Variants in ZNF143 observed in about 807,000 individuals in gnomAD.
ZNF143 encodes the protein zinc finger protein 143.
In ZNF143, 49 loss-of-function variants were observed where a neutral mutation model predicts 74.1. The observed-to-expected ratio is 0.66, with a 90% CI of 0.53 to 0.84. ZNF143 has a LOEUF of 0.84. Among genes scored for constraint, ZNF143 ranks in the 40% least tolerant of loss-of-function variants. ZNF143 has a pLI of 0.00. For missense variants in ZNF143, 637 were observed against 793.4 expected, an observed-to-expected ratio of 0.80 and a Z score of 2.37; for synonymous variants, 304 against 282.8, an observed-to-expected ratio of 1.07 and a Z score of -0.75.
At chr11:9,525,484 A>G in intron 15 of ZNF143, 98 bp downstream of exon 15, 4 of 1,494,232 alleles carry the variant, frequency 2.7e-6, no homozygotes, top group Non-Finnish European at 3.7e-6. Context: ...ACAGGAGGCA[A>G]GGTGTAGAAT....
intron 14 of ZNF143, 66 bp from the exon 15 acceptor site, chr11:9,525,174 G>A (rs1343342380): frequency 1.3e-5 from 21 of 1,576,740 alleles, no homozygotes. Context: ...GTATTAAGTG[G>A]ACTTTAACCT....
intron 14 of ZNF143, among the ~76,000 whole-genome samples, chr11:9,523,606 C>A (rs1329067610): frequency 6.6e-6 from 1 of 151,796 alleles, no homozygotes. Context: ...TGATGGCGGG[C>A]GCCTGTAGTC....
chr11:9,482,062 C>T (rs1847262505), intron 7 of ZNF143, among the ~76,000 whole-genome samples: 1 of 146,812 alleles, frequency 6.8e-6, no homozygotes, highest in South Asian at 2.2e-4. Context: ...GCTCTGCCTC[C>T]CGGGTTCACG....
chr11:9,494,762 C>G lies in ZNF143; in HGVS notation c.762C>G (p.Leu254=). Residue 254 remains leucine (L), a synonymous_variant, in exon 8 of 16, where the codon CTC becomes CTG. Transcript: ENST00000396602. ...CGKLYTTAHH[L]KVHERSHTGD... is the part of the protein sequence containing the mutation. Reference sequence around the variant, plus strand: ...AATTATATACAACAGCTCATCATCTCAAGGTATATATAAAAGAAATGTTCT... The same window carrying G: ...AATTATATACAACAGCTCATCATCTGAAGGTATATATAAAAGAAATGTTCT... The G allele has an allele frequency of 1.9e-6, 3 of 1,606,872 alleles. No individual in the cohort carries two copies. Among genetic ancestry groups the G allele is most frequent in the Non-Finnish European group, 2.6e-6 (3 of 1,173,684 alleles).
At chr11:9,485,519 TG>T (rs1002769679) in intron 7 of ZNF143, among the ~76,000 whole-genome samples, 2 of 151,422 alleles carry the variant, frequency 1.3e-5, no homozygotes, top group Non-Finnish European at 2.9e-5. Flanking sequence ...AGCTAGTTTT[TG>T]TATTTTTAGT....
At chr11:9,479,389 G>T in intron 6 of ZNF143, 83 bp from the exon 7 acceptor site, 1 of 1,019,808 alleles carries the variant, frequency 9.8e-7, no homozygotes, top group Non-Finnish European at 1.4e-6. Flanking sequence ...TTTTTTGCAA[G>T]CTTCTCCCTG....
chr11:9,486,558 C>G (rs1239196697), intron 7 of ZNF143, among the ~76,000 whole-genome samples: 1 of 135,640 alleles, frequency 7.4e-6, no homozygotes, highest in Non-Finnish European at 1.5e-5. Flanking sequence ...GCTCCAGTTC[C>G]TTTTTCTGTG....
intron 10 of ZNF143, among the ~76,000 whole-genome samples, chr11:9,498,436 C>T (rs552209116): frequency 2.6e-5 from 4 of 152,200 alleles, no homozygotes; most frequent in Non-Finnish European, 5.9e-5. Context: ...GAACCTAAGG[C>T]ACCCAGTTGT....
chr11:9,516,559 G>C (rs910775840), intron 14 of ZNF143, among the ~76,000 whole-genome samples, 197 bp downstream of exon 14: 2 of 152,076 alleles, frequency 1.3e-5, no homozygotes, highest in African/African-American at 4.8e-5. Context: ...TACCCCATAA[G>C]GTTGATATAA....
intron 14 of ZNF143, 117 bp from the exon 15 acceptor site, chr11:9,525,123 G>A: frequency 8.5e-7 from 1 of 1,180,880 alleles, no homozygotes; most frequent in African/African-American, 1.5e-5. Flanking sequence ...ACAAGTCTAT[G>A]GTCAGAGGAG....
At position 9,520,926 on chromosome 11, in the gene ZNF143, A is replaced by G. The variant is rs140562339; in HGVS notation, c.1687-4314A>G. On this transcript the variant is annotated intron_variant, in intron 14 of 15. Coordinates refer to ENST00000396602, the MANE Select transcript of ZNF143 (RefSeq NM_003442.6). ...TTAATTTACATATAAAAAAGCTAAT[A>G]TATCACTTGGTTATGATGTATTTTT... Among the ~76,000 whole-genome samples the G allele has an allele frequency of 1.8e-3, 278 of 152,368 alleles. 3 individuals carry two copies. The highest frequency in any genetic ancestry group is 6.3e-3 in the African/African-American group (263 of 41,588).
chr11:9,473,853 T>C, intron 3 of ZNF143, 88 bp from the exon 4 acceptor site: 1 of 1,610,820 alleles, frequency 6.2e-7, no homozygotes, highest in African/African-American at 1.3e-5. Flanking sequence ...AAGTTGTGTA[T>C]GTTTTTATAG....
At chr11:9,494,826 AT>A in intron 8 of ZNF143, 61 bp downstream of exon 8, 1 of 1,514,766 alleles carries the variant, frequency 6.6e-7, no homozygotes, top group Non-Finnish European at 9.0e-7. Flanking sequence ...AAATACTAAG[AT>A]CATATTTTTG....
At chr11:9,514,340 T>C (rs1277119097) in intron 13 of ZNF143, among the ~76,000 whole-genome samples, 2 of 152,234 alleles carry the variant, frequency 1.3e-5, no homozygotes, top group African/African-American at 4.8e-5. Flanking sequence ...CACTTAACCT[T>C]CTCATTTCCT....
At chr11:9,526,990 AT>A (rs201617363) in intron 15 of ZNF143, among the ~76,000 whole-genome samples, 8 of 149,728 alleles carry the variant, frequency 5.3e-5, no homozygotes, top group Admixed American at 6.7e-5. Flanking sequence ...ACGCCCAGCA[AT>A]TTTTTTTTTG....
chr11:9,510,208 T>A (rs1453444022), intron 12 of ZNF143, among the ~76,000 whole-genome samples: 1 of 151,854 alleles, frequency 6.6e-6, no homozygotes, highest in Non-Finnish European at 1.5e-5. Flanking sequence ...CACTGCAAGC[T>A]TCGCCTCCCG....
chr11:9,482,116 GC>G (rs1173351415), intron 7 of ZNF143, among the ~76,000 whole-genome samples: 2 of 145,838 alleles, frequency 1.4e-5, no homozygotes, highest in African/African-American at 2.5e-5. Flanking sequence ...GACTACAGGC[GC>G]CCGCCACCAC....
intron 14 of ZNF143, among the ~76,000 whole-genome samples, chr11:9,518,899 A>T (rs1008796390): frequency 1.3e-5 from 2 of 152,190 alleles, no homozygotes; most frequent in African/African-American, 4.8e-5. Flanking sequence ...AGGATTTTTT[A>T]AAATATTTAC....
chr11:9,515,768 G>T (rs977056674), intron 13 of ZNF143, among the ~76,000 whole-genome samples: 2 of 151,962 alleles, frequency 1.3e-5, no homozygotes, highest in Non-Finnish European at 2.9e-5. Context: ...ATCACTTGAG[G>T]CCAGGAGTCT....
Sources: gnomAD v4.1 joint callset for allele counts (sites outside exome capture counted in the v4.1 genomes callset) on GRCh38, gnomAD v4.1.1 for gene constraint, MANE v1.5 for transcripts, NCBI Gene and HGNC (gene_info 2026-07-23, HGNC 2026-07-21) for gene names.